EXT2: variants seen among roughly 807,000 people sequenced by gnomAD.
The protein encoded by EXT2 is exostosin glycosyltransferase 2, also known as exostosin-2.
In EXT2, 53 loss-of-function variants were observed where a neutral mutation model predicts 81.6. The observed-to-expected ratio is 0.65, with a 90% CI of 0.52 to 0.82. The LOEUF is 0.82. Ranked by LOEUF, EXT2 falls within the 40% of genes least tolerant of loss-of-function variation. The pLI is 0.00. For synonymous variants in EXT2, 320 were observed against 340.0 expected (o/e 0.94, Z 0.65); for missense variants, 774 against 910.2 (o/e 0.85, Z 1.93).
intron 10 of EXT2, among the ~76,000 whole-genome samples, chr11:44,222,464 G>A (rs1284663662): frequency 1.3e-5 from 2 of 152,116 alleles, no homozygotes; most frequent in East Asian, 3.9e-4. Flanking sequence ...TATACTTCCT[G>A]TCAGTAGAAT....
chr11:44,157,399 A>G (rs898632901), intron 7 of EXT2, among the ~76,000 whole-genome samples: 1 of 152,176 alleles, frequency 6.6e-6, no homozygotes, highest in Non-Finnish European at 1.5e-5. Flanking sequence ...TTAGGAATCT[A>G]CTTGGTTCTC....
At chr11:44,159,939 A>G (rs1954907078) in intron 7 of EXT2, among the ~76,000 whole-genome samples, 1 of 152,238 alleles carries the variant, frequency 6.6e-6, no homozygotes, top group Non-Finnish European at 1.5e-5. Context: ...CAAATAGGAT[A>G]GGCTCTGATA....
chr11:44,235,680 G>A (rs1271322610), intron 12 of EXT2, among the ~76,000 whole-genome samples: 2 of 152,080 alleles, frequency 1.3e-5, no homozygotes, highest in African/African-American at 2.4e-5. Flanking sequence ...TCTCTTCACT[G>A]TTTATTTATC....
rs187496224 is a variant in EXT2 at position 44,196,733 on chromosome 11, A to G, written c.1306-1096A>G. 5.2e-4 allele frequency among the ~76,000 whole-genome samples: 79 copies of G among 152,340 alleles called. 1 individual carries two copies. Among genetic ancestry groups the G allele is most frequent in the Admixed American group, 5.2e-3 (79 of 15,300 alleles). ...CAATTTATTCTTGTTTCATGGATGA[A>G]GAATCTTATCTGCCAGTGGCTACAA... On this transcript the variant is annotated intron_variant, in intron 8 of 13. Coordinates refer to ENST00000533608, the MANE Select transcript of EXT2 (RefSeq NM_207122.2).
chr11:44,130,206 G>C (rs1954472728), intron 7 of EXT2, 68 bp downstream of exon 7: 3 of 1,257,752 alleles, frequency 2.4e-6, no homozygotes, highest in Non-Finnish European at 3.5e-6. Context: ...TGGATACAGA[G>C]GGACAGGAGC....
At chr11:44,107,196 C>T (rs976671474) in intron 1 of EXT2, among the ~76,000 whole-genome samples, 1 of 151,634 alleles carries the variant, frequency 6.6e-6, no homozygotes, top group African/African-American at 2.4e-5. Flanking sequence ...ACATTATATA[C>T]TATTTATTCA....
rs544755998 is a variant in EXT2, at chr11:44,152,685, G to A, written c.1174-18926G>A. Among the ~76,000 whole-genome samples the A allele has an allele frequency of 3.3e-5, 5 of 152,292 alleles. No homozygotes were observed. In the South Asian group the frequency reaches 1.0e-3, roughly 32 times the overall value. ...AATTTTACATTTTATATTTAGGTCAGTGATCCATTGTGAGTAAATTTTTTT... is the reference window on the plus strand; with the variant it reads ...AATTTTACATTTTATATTTAGGTCAATGATCCATTGTGAGTAAATTTTTTT... On this transcript the variant is annotated intron_variant, in intron 7 of 13. Transcript: ENST00000533608.
chr11:44,182,683 AT>A (rs1452810352), intron 8 of EXT2, among the ~76,000 whole-genome samples: 1 of 151,906 alleles, frequency 6.6e-6, no homozygotes, highest in Non-Finnish European at 1.5e-5. Flanking sequence ...TTTCCCCTGA[AT>A]TTTTTGGAAG....
At chr11:44,121,983 A>G (rs1289694329) in intron 4 of EXT2, among the ~76,000 whole-genome samples, 1 of 152,032 alleles carries the variant, frequency 6.6e-6, no homozygotes, top group Non-Finnish European at 1.5e-5. Flanking sequence ...CCACCCGACC[A>G]TGCAGAAATG....
intron 7 of EXT2, among the ~76,000 whole-genome samples, chr11:44,136,407 G>C (rs918293810): frequency 7.2e-5 from 11 of 152,212 alleles, no homozygotes; most frequent in African/African-American, 2.4e-4. Context: ...AGCACACTCT[G>C]TTCTGCTGCC....
intron 7 of EXT2, among the ~76,000 whole-genome samples, chr11:44,170,578 G>C (rs1235171633): frequency 1.3e-5 from 2 of 152,042 alleles, no homozygotes; most frequent in Admixed American, 1.3e-4. Flanking sequence ...GACTGATCAA[G>C]TACAAAGAGA....
At chr11:44,143,598 CAG>C (rs759819957) in intron 7 of EXT2, among the ~76,000 whole-genome samples, 3 of 152,190 alleles carry the variant, frequency 2.0e-5, no homozygotes, top group Non-Finnish European at 4.4e-5. Context: ...GAAACATACA[CAG>C]GGGTCTTCCC....
chr11:44,132,644 T>C (rs1312784404), intron 7 of EXT2, among the ~76,000 whole-genome samples: 1 of 152,182 alleles, frequency 6.6e-6, no homozygotes, highest in Admixed American at 6.5e-5. Context: ...TTAGTGGTCA[T>C]CTCTTCTCCC....
chr11:44,126,973 G>T lies in EXT2; in HGVS notation c.1079+18G>T, dbSNP rs1358869642. 2 of 1,613,482 alleles carry T rather than the reference G, an allele frequency of 1.2e-6. No individual in the cohort carries two copies. Among genetic ancestry groups the T allele is most frequent in the Non-Finnish European group, 1.7e-6 (2 of 1,179,510 alleles). ...TGGAAGAGGTGGGTAGTACCTCCTAGTAAACTCTACATTAGTGGTTCTGCG... is the reference window on the plus strand; with the variant it reads ...TGGAAGAGGTGGGTAGTACCTCCTATTAAACTCTACATTAGTGGTTCTGCG... On this transcript the variant is annotated intron_variant, in intron 6 of 13. Coordinates refer to ENST00000533608, the MANE Select transcript of EXT2 (RefSeq NM_207122.2).
intron 8 of EXT2, among the ~76,000 whole-genome samples, chr11:44,179,388 T>A (rs540730755): frequency 6.6e-6 from 1 of 152,344 alleles, no homozygotes; most frequent in East Asian, 1.9e-4. Flanking sequence ...TAGAGTTCAC[T>A]TTTATGGCTC....
At chr11:44,201,535 T>C (rs1175433457) in intron 9 of EXT2, among the ~76,000 whole-genome samples, 1 of 152,210 alleles carries the variant, frequency 6.6e-6, no homozygotes. Flanking sequence ...CACAGATCTT[T>C]CTAGATCCAA....
intron 9 of EXT2, among the ~76,000 whole-genome samples, chr11:44,204,344 C>A (rs1035925854): frequency 6.6e-6 from 1 of 152,106 alleles, no homozygotes; most frequent in Non-Finnish European, 1.5e-5. Context: ...AAAATTTCCT[C>A]AGTTTTAATT....
At chr11:44,223,126 C>G (rs760279516) in intron 10 of EXT2, among the ~76,000 whole-genome samples, 1 of 152,182 alleles carries the variant, frequency 6.6e-6, no homozygotes, top group Non-Finnish European at 1.5e-5. Flanking sequence ...AAAATACAAA[C>G]AGCAAATGCC....
rs1956088763 is a variant in EXT2, at chr11:44,245,802, TAA to T, written c.*1516_*1517del. ...GTAGCAAAGTTGGAAGTGGAAATCA[TAA>T]GAGTTTTGTCTTCTTTCATTTGAAT... On this transcript the variant is annotated 3_prime_UTR_variant, in exon 14 of 14. Transcript: ENST00000533608. Among the ~76,000 whole-genome samples, 1 of 152,248 alleles carries T rather than the reference TAA, an allele frequency of 6.6e-6. No individual in the cohort carries two copies. Among genetic ancestry groups the T allele is most frequent in the Admixed American group, 6.5e-5 (1 of 15,284 alleles).
Sources: gnomAD v4.1 joint callset for allele counts (sites outside exome capture counted in the v4.1 genomes callset) on GRCh38, gnomAD v4.1.1 for gene constraint, MANE v1.5 for transcripts, NCBI Gene and HGNC (gene_info 2026-07-23, HGNC 2026-07-21) for gene names.